Variants in DNAI4 observed in about 807,000 individuals in gnomAD.
DNAI4 encodes the protein WD repeat domain 78.
Under a neutral mutation model 105.8 loss-of-function variants are expected in DNAI4, and 85 were observed. The ratio of observed to expected loss-of-function variants is 0.80; its 90% CI spans 0.67 to 0.96. The LOEUF (loss-of-function observed/expected upper bound fraction) is 0.96. Ranked by LOEUF, DNAI4 falls within the 40% of genes least tolerant of loss-of-function variation. DNAI4 has a pLI of 0.00. For missense variants in DNAI4, 1,014 were observed against 1,005.6 expected, an observed-to-expected ratio of 1.01 and a Z score of -0.11; for synonymous variants, 352 against 331.5, an observed-to-expected ratio of 1.06 and a Z score of -0.67.
chr1:66,844,084 C>CAA (rs55925419), intron 8 of DNAI4, among the ~76,000 whole-genome samples: 7,044 of 66,092 alleles, frequency 0.11, 1,143 homozygotes, highest in Middle Eastern at 0.21. Context: ...ACTGGAGATT[C>CAA]AAAAAAAAAA....
At chr1:66,819,349 T>C (rs1274663590) in intron 16 of DNAI4, among the ~76,000 whole-genome samples, 2 of 152,224 alleles carry the variant, frequency 1.3e-5, no homozygotes, top group African/African-American at 4.8e-5. Flanking sequence ...TCTCTTATTT[T>C]CCTTTTCCTC....
chr1:66,893,054 AG>A (rs1322368778), intron 3 of DNAI4, among the ~76,000 whole-genome samples, 174 bp downstream of exon 3: 6 of 90,250 alleles, frequency 6.6e-5, no homozygotes, highest in African/African-American at 2.6e-4. Context: ...AAAGAAAGAA[AG>A]AGAGAGAGAG....
At chr1:66,894,157 G>A (rs1262311587) in intron 2 of DNAI4, among the ~76,000 whole-genome samples, 2 of 151,894 alleles carry the variant, frequency 1.3e-5, no homozygotes, top group Non-Finnish European at 2.9e-5. Context: ...AAACAGCCTC[G>A]GGCAGGTCCT....
intron 1 of DNAI4, among the ~76,000 whole-genome samples, chr1:66,917,282 G>A (rs1380839530): frequency 1.3e-5 from 2 of 152,144 alleles, no homozygotes; most frequent in South Asian, 4.1e-4. Context: ...GTGCCACAGA[G>A]GTAACACATT....
chr1:66,914,685 GA>G (rs1163086115), intron 1 of DNAI4, among the ~76,000 whole-genome samples: 2 of 150,176 alleles, frequency 1.3e-5, no homozygotes, highest in African/African-American at 4.9e-5. Flanking sequence ...AGGTTATCAA[GA>G]ATCAGAAAAT....
chr1:66,911,230 A>G (rs1649636591), intron 1 of DNAI4, among the ~76,000 whole-genome samples: 1 of 152,198 alleles, frequency 6.6e-6, no homozygotes, highest in African/African-American at 2.4e-5. Context: ...TTTATTGTAA[A>G]GTATATTACA....
intron 8 of DNAI4, among the ~76,000 whole-genome samples, chr1:66,842,476 TG>T (rs1300001151): frequency 6.6e-6 from 1 of 152,186 alleles, no homozygotes; most frequent in Non-Finnish European, 1.5e-5. Flanking sequence ...CTGCAACCTC[TG>T]CCTCCTGGGT....
intron 11 of DNAI4, among the ~76,000 whole-genome samples, chr1:66,834,650 T>C (rs1462592939): frequency 6.6e-6 from 1 of 152,124 alleles, no homozygotes; most frequent in African/African-American, 2.4e-5. Context: ...ACTCTCTCTA[T>C]GGATTAGAGT....
intron 4 of DNAI4, among the ~76,000 whole-genome samples, chr1:66,885,575 C>G (rs1647176855): frequency 6.6e-6 from 1 of 151,940 alleles, no homozygotes; most frequent in Admixed American, 6.6e-5. Context: ...TTCTTCTAGC[C>G]AGGTGTGATG....
At chr1:66,882,642 T>G (rs56400880) in intron 4 of DNAI4, among the ~76,000 whole-genome samples, 20,948 of 152,096 alleles carry the variant, frequency 0.14, 1,581 homozygotes, top group Middle Eastern at 0.21. Context: ...ATTAGTGTGG[T>G]TCTATTTCTG....
chr1:66,857,784 T>C (rs1236838906), intron 7 of DNAI4, among the ~76,000 whole-genome samples: 1 of 151,966 alleles, frequency 6.6e-6, no homozygotes, highest in African/African-American at 2.4e-5. Context: ...TTGGTCTTGA[T>C]CATGTTGGTC....
Position 66,822,417 on chromosome 1 carries a change from CAT to C in DNAI4, c.2438_2439del (p.Asp813GlyfsTer7). On this transcript the variant is annotated frameshift_variant, in exon 16 of 17. Coordinates refer to ENST00000371026, the MANE Select transcript of DNAI4 (RefSeq NM_024763.5). LOFTEE classifies it high-confidence loss of function. ...QTDCLLVGDS[D>X]GQVSVYELRN... ...CTCAGTTCATACACAGAAACCTGTC[CAT>C]CACTGTCTCCTACCAGAAGGCAATC... 1 of 1,613,406 alleles carries C rather than the reference CAT, an allele frequency of 6.2e-7. No homozygotes were observed. The highest frequency in any genetic ancestry group is 1.1e-5 in the South Asian group (1 of 90,968).
intron 12 of DNAI4, 31 bp downstream of exon 12, chr1:66,833,960 C>A (rs750727734): frequency 3.1e-5 from 49 of 1,562,866 alleles, no homozygotes; most frequent in Non-Finnish European, 4.1e-5. Flanking sequence ...CAGCACGTAA[C>A]AAGAAAAATA....
chr1:66,915,673 C>T (rs541130645), intron 1 of DNAI4, among the ~76,000 whole-genome samples: 9 of 151,566 alleles, frequency 5.9e-5, no homozygotes, highest in Non-Finnish European at 7.4e-5. Flanking sequence ...TTTAAAAAAA[C>T]GGTGAACAAG....
chr1:66,866,704 T>A (rs1215488765), intron 6 of DNAI4, among the ~76,000 whole-genome samples: 1 of 152,240 alleles, frequency 6.6e-6, no homozygotes, highest in Non-Finnish European at 1.5e-5. Flanking sequence ...TATGAAAATG[T>A]CTTTATTCTA....
chr1:66,814,663 T>A (rs190963632), intron 16 of DNAI4, among the ~76,000 whole-genome samples: 36 of 152,198 alleles, frequency 2.4e-4, no homozygotes, highest in Non-Finnish European at 4.9e-4. Flanking sequence ...CCACCGCGCC[T>A]GGCCAAAAGA....
At chr1:66,827,520 A>G (rs1339491540) in intron 14 of DNAI4, among the ~76,000 whole-genome samples, 3 of 152,126 alleles carry the variant, frequency 2.0e-5, no homozygotes, top group Non-Finnish European at 4.4e-5. Context: ...TAAGCTATAG[A>G]GACTAGGTAT....
At chr1:66,832,186 AT>A (rs1237391380) in intron 13 of DNAI4, among the ~76,000 whole-genome samples, 1 of 152,222 alleles carries the variant, frequency 6.6e-6, no homozygotes, top group Non-Finnish European at 1.5e-5. Context: ...AATTAAAGGA[AT>A]TTGAGAATGA....
At chr1:66,836,079 C>T (rs998283707) in intron 10 of DNAI4, among the ~76,000 whole-genome samples, 10 of 149,358 alleles carry the variant, frequency 6.7e-5, no homozygotes, top group African/African-American at 2.5e-4. Flanking sequence ...TCACTTGAGA[C>T]CAGCAGTTTG....
Sources: allele counts gnomAD v4.1 joint callset (sites outside exome capture counted in the v4.1 genomes callset), GRCh38; gene constraint gnomAD v4.1.1; transcripts MANE v1.5; gene names NCBI Gene and HGNC (gene_info 2026-07-23, HGNC 2026-07-21).